The following WDR12 variants were observed in gnomAD, a reference collection of about 807,000 sequenced individuals.
The protein encoded by WDR12 is WD repeat domain 12.
In WDR12, 42 loss-of-function variants were observed where a neutral mutation model predicts 64.3. The observed-to-expected ratio is 0.65, with a 90% CI of 0.51 to 0.84. The LOEUF is 0.84. WDR12 is among the 40% of genes least tolerant of loss of function. The pLI is 0.00. For missense variants in WDR12, 469 were observed against 494.6 expected, an observed-to-expected ratio of 0.95 and a Z score of 0.49; for synonymous variants, 158 against 173.3, an observed-to-expected ratio of 0.91 and a Z score of 0.70.
At chr2:202,885,628 G>A (rs1688031222) in intron 8 of WDR12, among the ~76,000 whole-genome samples, 1 of 152,148 alleles carries the variant, frequency 6.6e-6, no homozygotes, top group African/African-American at 2.4e-5. Flanking sequence ...GTATCTTTAA[G>A]TCCTATTATT....
At position 202,879,219 on chromosome 2, in the gene WDR12, C is replaced by T. The variant is rs950677115; in HGVS notation, c.*1641G>A. 1 of 151,916 alleles carries T rather than the reference C, an allele frequency of 6.6e-6. No homozygotes were observed. The highest frequency in any genetic ancestry group is 1.5e-5 in the Non-Finnish European group (1 of 68,012). 9.4% of individuals were successfully genotyped at this position (151,916 alleles called of 1,614,324 possible). Reference sequence around the variant, plus strand: ...CTAATTTTTTGTATTTTATTAGAGACGAGGTTTCACTGTGTTGCCCAGGCT... The same window carrying T: ...CTAATTTTTTGTATTTTATTAGAGATGAGGTTTCACTGTGTTGCCCAGGCT... On this transcript the variant is annotated 3_prime_UTR_variant, in exon 13 of 13. Transcript: ENST00000261015.
At chr2:202,900,626 G>A (rs1688332005) in intron 3 of WDR12, among the ~76,000 whole-genome samples, 1 of 151,900 alleles carries the variant, frequency 6.6e-6, no homozygotes, top group African/African-American at 2.4e-5. Context: ...AAAATAAAAG[G>A]GAAAAATAAC....
At chr2:202,897,018 A>G (rs1688256891) in intron 5 of WDR12, among the ~76,000 whole-genome samples, 1 of 152,084 alleles carries the variant, frequency 6.6e-6, no homozygotes, top group Non-Finnish European at 1.5e-5. Flanking sequence ...AACAAAACAA[A>G]CAAACAAAAA....
At chr2:202,900,958 AAGG>A (rs1450633405) in intron 3 of WDR12, 64 bp downstream of exon 3, 3 of 1,307,700 alleles carry the variant, frequency 2.3e-6, no homozygotes, top group African/African-American at 2.9e-5. Flanking sequence ...GTGATTCTAA[AAGG>A]AGTTTACCTA....
chr2:202,883,176 C>A (rs1687985832), intron 11 of WDR12, among the ~76,000 whole-genome samples: 1 of 152,240 alleles, frequency 6.6e-6, no homozygotes, highest in African/African-American at 2.4e-5. Flanking sequence ...TGGTCTGTTG[C>A]CCAGGCTGGA....
At position 202,897,532 on chromosome 2, in the gene WDR12, T is replaced by A. The variant is rs1688269645; in HGVS notation, c.339-117A>T. The A allele has an allele frequency of 4.7e-5, 24 of 505,852 alleles. No homozygotes were observed. In the South Asian group the frequency reaches 7.7e-4, roughly 16 times the overall value. 31.3% of individuals were successfully genotyped at this position (505,852 alleles called of 1,614,324 possible). ...TATACTTTTAAACTCTTTTTTGATA[T>A]GAAGATTGAGATTTCAAGCCATACT... On this transcript the variant is annotated intron_variant, in intron 4 of 12. Transcript: ENST00000261015.
At chr2:202,894,975 A>G (rs1466381709) in intron 6 of WDR12, among the ~76,000 whole-genome samples, 5 of 152,196 alleles carry the variant, frequency 3.3e-5, no homozygotes, top group Non-Finnish European at 7.3e-5. Flanking sequence ...TGGTTGTTCA[A>G]TCTTTCCTTG....
chr2:202,897,924 TAAA>T (rs1160065096), intron 4 of WDR12, among the ~76,000 whole-genome samples: 109 of 123,774 alleles, frequency 8.8e-4, no homozygotes, highest in East Asian at 3.3e-3. Context: ...TATATATATA[TAAA>T]AAATATATAT....
chr2:202,905,439 G>A (rs1165069710), intron 2 of WDR12, among the ~76,000 whole-genome samples: 4 of 152,230 alleles, frequency 2.6e-5, no homozygotes, highest in Non-Finnish European at 2.9e-5. Flanking sequence ...CACCACGCCA[G>A]GCCAAAATGG....
At chr2:202,903,500 G>GAAGGAAGGAAGGAAGT (rs1348704669) in intron 2 of WDR12, among the ~76,000 whole-genome samples, 7 of 115,220 alleles carry the variant, frequency 6.1e-5, no homozygotes, top group South Asian at 3.2e-4. Flanking sequence ...AGGAAGGAAG[G>GAAGGAAGGAAGGAAGT]AAGTGAGGGA....
chr2:202,881,708 G>A (rs558651633), intron 12 of WDR12, among the ~76,000 whole-genome samples: 33 of 152,184 alleles, frequency 2.2e-4, no homozygotes, highest in Non-Finnish European at 4.3e-4. Flanking sequence ...CTAAGCCCAG[G>A]AGTTCAAGCC....
chr2:202,893,498 T>G (rs2105906938), intron 7 of WDR12, among the ~76,000 whole-genome samples: 1 of 152,294 alleles, frequency 6.6e-6, no homozygotes, highest in Non-Finnish European at 1.5e-5. Flanking sequence ...TTATTTGCTT[T>G]CATCATTTTT....
In WDR12 at chr2:202,874,844, C is replaced by A. The variant is rs1024967413; in HGVS notation, c.*6016G>T. 14 of 152,152 alleles carry A rather than the reference C, an allele frequency of 9.2e-5. No homozygotes were observed. The highest frequency in any genetic ancestry group is 3.4e-4 in the African/African-American group (14 of 41,442). The allele number at this position is 152,152 out of a possible 1,614,324, so 9.4% of individuals were successfully genotyped here. A position where few individuals can be genotyped will look rare whatever the true frequency, so the allele number is the denominator to read the frequency against. On this transcript the variant is annotated 3_prime_UTR_variant, in exon 13 of 13. Transcript: ENST00000261015. ...CTAGAAACAGTATTAGAATTAGACACAATTCTAGAATTAGAATTATTATGA... is the reference window on the plus strand; with the variant it reads ...CTAGAAACAGTATTAGAATTAGACAAAATTCTAGAATTAGAATTATTATGA...
intron 4 of WDR12, 139 bp downstream of exon 4, chr2:202,899,392 A>C: frequency 2.9e-6 from 2 of 688,020 alleles, no homozygotes; most frequent in Non-Finnish European, 4.7e-6. Flanking sequence ...TCTGTTTGCC[A>C]TGGCCACTGA....
chr2:202,884,014 T>C, intron 10 of WDR12, 184 bp downstream of exon 10: 2 of 664,834 alleles, frequency 3.0e-6, no homozygotes, highest in Non-Finnish European at 5.0e-6. Context: ...GGTTTCTCTA[T>C]GTTGGCCAGG....
At chr2:202,909,867 C>G (rs1688535783) in intron 1 of WDR12, among the ~76,000 whole-genome samples, 1 of 152,028 alleles carries the variant, frequency 6.6e-6, no homozygotes, top group Non-Finnish European at 1.5e-5. Context: ...TTGATCCTGG[C>G]TCACTGCAAC....
Position 202,907,832 on chromosome 2 carries a change from AC to A in WDR12, c.136+32del, listed in dbSNP as rs752502119. The A allele has an allele frequency of 2.4e-5, 36 of 1,522,870 alleles. 1 individual carries two copies. In the East Asian group the frequency reaches 7.7e-4, roughly 32 times the overall value. 94.3% of individuals were successfully genotyped at this position (1,522,870 alleles called of 1,614,324 possible). A position where few individuals can be genotyped will look rare whatever the true frequency, so the allele number is the denominator to read the frequency against. ...TTAATGCATTTTAGAATAATTAGGGACACTGTGCCCTCTCCTAAGCATATAT... is the reference window on the plus strand; with the variant it reads ...TTAATGCATTTTAGAATAATTAGGGAACTGTGCCCTCTCCTAAGCATATAT... On this transcript the variant is annotated intron_variant, in intron 2 of 12. Transcript: ENST00000261015.
intron 3 of WDR12, 149 bp downstream of exon 3, chr2:202,900,876 C>T (rs113656949): frequency 3.8e-6 from 2 of 521,774 alleles, no homozygotes; most frequent in African/African-American, 1.9e-5. Flanking sequence ...AATATACACA[C>T]AATACATAAC....
At chr2:202,900,746 A>C (rs1688333766) in intron 3 of WDR12, among the ~76,000 whole-genome samples, 2 of 152,198 alleles carry the variant, frequency 1.3e-5, no homozygotes, top group South Asian at 4.1e-4. Context: ...AATATAAAGA[A>C]TGTGTTCATT....
Sources: gnomAD v4.1 joint callset for allele counts (sites outside exome capture counted in the v4.1 genomes callset) on GRCh38, gnomAD v4.1.1 for gene constraint, MANE v1.5 for transcripts, NCBI Gene and HGNC (gene_info 2026-07-23, HGNC 2026-07-21) for gene names.